The following BEND2 variants were observed in gnomAD, a reference collection of about 807,000 sequenced individuals.
BEND2 encodes BEN domain containing 2.
A neutral mutation model predicts 43.8 loss-of-function variants in BEND2; 19 were observed. That is an observed-to-expected ratio of 0.43 (90% confidence interval 0.30 to 0.64). The LOEUF is 0.64. BEND2 is among the 30% of genes least tolerant of loss of function. The probability of loss-of-function intolerance (pLI) is 0.11; values close to 1 mark genes in which losing one functional copy is unlikely to be tolerated. For synonymous variants in BEND2, 226 were observed against 210.1 expected (o/e 1.08, Z -0.66); for missense variants, 544 against 574.0 (o/e 0.95, Z 0.53).
chrX:18,193,086 G>A (rs778522046), intron 7 of BEND2, among the ~76,000 whole-genome samples: 88 of 112,292 alleles, frequency 7.8e-4, no homozygotes, highest in African/African-American at 2.7e-3. Context: ...GGAGGCCGAA[G>A]TGGGCAGATC....
At chrX:18,189,844 C>T (rs986464012) in intron 8 of BEND2, among the ~76,000 whole-genome samples, 5 of 110,232 alleles carry the variant, frequency 4.5e-5, no homozygotes, top group Non-Finnish European at 9.5e-5. Context: ...GTCAGGAGAT[C>T]GAGACCATCC....
chrX:18,201,054 C>T (rs1362609617), intron 6 of BEND2, among the ~76,000 whole-genome samples: 1 of 111,276 alleles, frequency 9.0e-6, no homozygotes, highest in African/African-American at 3.3e-5. Context: ...TATCTCAAAC[C>T]GAAAAGTTTA....
intron 7 of BEND2, among the ~76,000 whole-genome samples, chrX:18,193,950 T>C (rs1221035159): frequency 3.6e-5 from 4 of 111,526 alleles, no homozygotes; most frequent in Non-Finnish European, 7.5e-5. Flanking sequence ...CTGGGTGAAA[T>C]TGTCCCTCAG....
At chrX:18,189,443 C>G (rs1160433908) in intron 8 of BEND2, among the ~76,000 whole-genome samples, 1 of 110,113 alleles carries the variant, frequency 9.1e-6, no homozygotes, top group Non-Finnish European at 1.9e-5. Flanking sequence ...CTGAGGGGGT[C>G]GAGGCAGCAG....
At chrX:18,177,458 T>C in intron 10 of BEND2, 111 bp downstream of exon 10, 1 of 819,697 alleles carries the variant, frequency 1.2e-6, no homozygotes, top group East Asian at 3.2e-5. Flanking sequence ...AAATGAATAG[T>C]TTTAAGATTT....
intron 10 of BEND2, among the ~76,000 whole-genome samples, chrX:18,176,998 A>T (rs964448331): frequency 9.1e-6 from 1 of 110,337 alleles, no homozygotes; most frequent in African/African-American, 3.3e-5. Flanking sequence ...ACCACACTGG[A>T]CTGGGATGTA....
chrX:18,197,668 G>A (rs929928440), intron 6 of BEND2, among the ~76,000 whole-genome samples: 5 of 110,685 alleles, frequency 4.5e-5, no homozygotes, highest in East Asian at 2.8e-4. Flanking sequence ...TGCAATTCTC[G>A]GCATACGTAC....
chrX:18,165,709 A>T (rs1211178809), intron 13 of BEND2, among the ~76,000 whole-genome samples: 2 of 111,965 alleles, frequency 1.8e-5, no homozygotes, highest in Admixed American at 1.9e-4. Flanking sequence ...TAGATCTTGC[A>T]ATTAGAGGAA....
At chrX:18,191,574 G>A (rs1198797446) in intron 7 of BEND2, among the ~76,000 whole-genome samples, 2 of 112,198 alleles carry the variant, frequency 1.8e-5, no homozygotes, top group East Asian at 2.8e-4. Context: ...TGGTATATGA[G>A]TGTTCATAGC....
Position 18,220,830 on chromosome X carries a change from A to C in BEND2, c.-80T>G, listed in dbSNP as rs1418537489. ...GGCCTACGTCTGCGCCGCGGCTCTG[A>C]GGTAACTGCTTGGTAACTGTGTGGT... On this transcript the variant is annotated 5_prime_UTR_variant, in exon 1 of 14. Transcript: ENST00000380033. 8.6e-6 allele frequency: 9 copies of C among 1,041,807 alleles called. No homozygotes were observed. The highest frequency in any genetic ancestry group is 1.2e-5 in the Non-Finnish European group (9 of 761,787). 85.9% of individuals were successfully genotyped at this position (1,041,807 alleles called of 1,213,427 possible).
chrX:18,206,026 A>G (rs1323652136), intron 4 of BEND2, among the ~76,000 whole-genome samples: 6 of 111,655 alleles, frequency 5.4e-5, no homozygotes, highest in African/African-American at 1.9e-4. Flanking sequence ...CTGTGCTTCA[A>G]TGTCCTCATG....
chrX:18,194,941 C>A (rs1924888003), intron 7 of BEND2, among the ~76,000 whole-genome samples: 1 of 106,513 alleles, frequency 9.4e-6, no homozygotes, highest in African/African-American at 3.5e-5. Flanking sequence ...GGCACACAAA[C>A]CTACTTGTGG....
intron 1 of BEND2, among the ~76,000 whole-genome samples, chrX:18,217,033 CCA>C (rs1046443127): frequency 6.2e-5 from 7 of 112,436 alleles, no homozygotes; most frequent in African/African-American, 2.3e-4. Context: ...CTGGCCCATG[CCA>C]CAGTGTTCAA....
intron 8 of BEND2, among the ~76,000 whole-genome samples, chrX:18,187,541 A>T (rs756308870): frequency 1.5e-4 from 17 of 112,292 alleles, no homozygotes; most frequent in Non-Finnish European, 2.4e-4. Flanking sequence ...CAATACTAAT[A>T]GCCAGAGACT....
At chrX:18,214,322 A>G (rs972382434) in intron 2 of BEND2, among the ~76,000 whole-genome samples, 1 of 111,721 alleles carries the variant, frequency 9.0e-6, no homozygotes, top group African/African-American at 3.3e-5. Context: ...AAAAACAGAA[A>G]AAAGTAATCT....
At chrX:18,219,715 G>A (rs1925794893) in intron 1 of BEND2, among the ~76,000 whole-genome samples, 1 of 111,614 alleles carries the variant, frequency 9.0e-6, no homozygotes, top group African/African-American at 3.3e-5. Flanking sequence ...AGACCAGTGT[G>A]GGCAACATGA....
intron 7 of BEND2, among the ~76,000 whole-genome samples, chrX:18,193,329 AAAAAGAAAAG>A (rs75007771): frequency 3.6e-3 from 366 of 100,652 alleles, no homozygotes; most frequent in African/African-American, 8.1e-3. Flanking sequence ...TCTGTCTCAC[AAAAAGAAAAG>A]AAAAGAAAAG....
Position 18,164,367 on chromosome X carries a change from A to C in BEND2, c.*642T>G, listed in dbSNP as rs1206388539. 2 of 111,795 alleles carry C rather than the reference A, an allele frequency of 1.8e-5. No homozygotes were observed. The highest frequency in any genetic ancestry group is 6.5e-5 in the African/African-American group (2 of 30,767). The allele number at this position is 111,795 out of a possible 1,213,427, so 9.2% of individuals were successfully genotyped here. ...GACCTTTGTAGGCATAGCCTAACTT[A>C]TAAAGATGTATGTAGAAGTACTATG... On this transcript the variant is annotated 3_prime_UTR_variant, in exon 14 of 14. Coordinates refer to ENST00000380033, the MANE Select transcript of BEND2 (RefSeq NM_153346.5).
At chrX:18,204,474 A>G (rs1204561881) in intron 4 of BEND2, among the ~76,000 whole-genome samples, 1 of 112,567 alleles carries the variant, frequency 8.9e-6, no homozygotes, top group Non-Finnish European at 1.9e-5. Flanking sequence ...AAACAGCTCC[A>G]CAAAGACGGT....
Sources: gnomAD v4.1 joint callset for allele counts (sites outside exome capture counted in the v4.1 genomes callset) on GRCh38, gnomAD v4.1.1 for gene constraint, MANE v1.5 for transcripts, NCBI Gene and HGNC (gene_info 2026-07-23, HGNC 2026-07-21) for gene names.